Variants in JMJD1C observed in about 807,000 individuals in gnomAD.
JMJD1C encodes jumonji domain containing 1C, also known as jumonji domain-containing protein 1C.
In JMJD1C, 31 loss-of-function variants were observed where a neutral mutation model predicts 245.3. That is an observed-to-expected ratio of 0.13 (90% confidence interval 0.09 to 0.17). JMJD1C has a LOEUF of 0.17. JMJD1C is among the 10% of genes least tolerant of loss of function. The pLI is 1.00. For missense variants in JMJD1C, 2,691 were observed against 3,000.2 expected (o/e 0.90, Z 2.41); for synonymous variants, 1,057 against 1,017.4 (o/e 1.04, Z -0.74).
At chr10:63,499,744 A>G (rs960593075) in intron 1 of JMJD1C, among the ~76,000 whole-genome samples, 5 of 152,238 alleles carry the variant, frequency 3.3e-5, no homozygotes, top group Non-Finnish European at 7.3e-5. Flanking sequence ...TTCATTAAGG[A>G]TTTATAAATT....
intron 1 of JMJD1C, among the ~76,000 whole-genome samples, chr10:63,503,421 G>GA (rs528804398): frequency 6.6e-6 from 1 of 152,148 alleles, no homozygotes; most frequent in Non-Finnish European, 1.5e-5. Context: ...ATTAATAGTG[G>GA]AAAAAACAAT....
In JMJD1C at chr10:63,167,849, C is replaced by A; in HGVS notation, c.*196G>T. ...ATATAGTGCTGCTTTTAAAATTCTG[C>A]TTGTTTTATAACATTGAATCACAGG... On this transcript the variant is annotated 3_prime_UTR_variant, in exon 26 of 26. Transcript: ENST00000399262. The A allele has an allele frequency of 2.0e-6, 1 of 491,836 alleles. No individual in the cohort carries two copies. Among genetic ancestry groups the A allele is most frequent in the Non-Finnish European group, 3.6e-6 (1 of 274,968 alleles). 30.5% of individuals were successfully genotyped at this position (491,836 alleles called of 1,614,324 possible).
intron 1 of JMJD1C, among the ~76,000 whole-genome samples, chr10:63,509,593 A>T (rs1453506371): frequency 6.6e-6 from 1 of 152,220 alleles, no homozygotes; most frequent in Non-Finnish European, 1.5e-5. Flanking sequence ...TGCTAGATAC[A>T]GGCCTATTCA....
At chr10:63,483,467 G>A (rs1372903413) in intron 1 of JMJD1C, among the ~76,000 whole-genome samples, 4 of 152,194 alleles carry the variant, frequency 2.6e-5, no homozygotes, top group African/African-American at 9.6e-5. Context: ...CTGCGCATTA[G>A]ATTTCAGCAG....
chr10:63,499,293 T>C (rs561272858), intron 1 of JMJD1C, among the ~76,000 whole-genome samples: 2 of 152,334 alleles, frequency 1.3e-5, no homozygotes, highest in South Asian at 4.1e-4. Context: ...GGAACCTTCA[T>C]ACTATTTTCC....
Position 63,213,396 on chromosome 10 carries a change from T to C in JMJD1C, c.2694+77A>G, listed in dbSNP as rs868762082. ...TTATAATAGGAAATGACCTAAAAAATAGATGGAATATTGAAAAAGCACCTG... is the reference window on the plus strand; with the variant it reads ...TTATAATAGGAAATGACCTAAAAAACAGATGGAATATTGAAAAAGCACCTG... On this transcript the variant is annotated intron_variant, in intron 8 of 25. Transcript: ENST00000399262. The C allele has an allele frequency of 3.4e-6, 3 of 873,504 alleles. No individual in the cohort carries two copies. In the Middle Eastern group the frequency reaches 7.0e-4, roughly 203 times the overall value. The allele number at this position is 873,504 out of a possible 1,614,324, so 54.1% of individuals were successfully genotyped here.
chr10:63,472,394 G>A (rs945789358), intron 1 of JMJD1C, among the ~76,000 whole-genome samples: 4 of 152,006 alleles, frequency 2.6e-5, no homozygotes, highest in African/African-American at 7.2e-5. Flanking sequence ...GTGCAACGGC[G>A]TAATCTCAGC....
chr10:63,274,198 A>T (rs1040271404), intron 2 of JMJD1C, among the ~76,000 whole-genome samples: 1 of 152,244 alleles, frequency 6.6e-6, no homozygotes, highest in Non-Finnish European at 1.5e-5. Flanking sequence ...TTTTTCAATA[A>T]GCCATACTGT....
At chr10:63,222,510 G>C in intron 3 of JMJD1C, 1 of 1,219,750 alleles carries the variant, frequency 8.2e-7, no homozygotes, top group Non-Finnish European at 1.2e-6. Context: ...GATTTTGACT[G>C]ACTGCACTTT....
chr10:63,248,438 T>C (rs1443094152), intron 3 of JMJD1C, among the ~76,000 whole-genome samples: 1 of 144,526 alleles, frequency 6.9e-6, no homozygotes, highest in African/African-American at 2.5e-5. Context: ...GGAGAATCAC[T>C]TGAATCCGGG....
intron 1 of JMJD1C, among the ~76,000 whole-genome samples, chr10:63,433,245 C>T (rs1486006916): frequency 1.3e-5 from 2 of 151,740 alleles, no homozygotes; most frequent in African/African-American, 2.4e-5. Context: ...TACAGGAAAG[C>T]GCTACCATGC....
At chr10:63,213,087 G>A (rs866304728) in intron 8 of JMJD1C, among the ~76,000 whole-genome samples, 11 of 150,266 alleles carry the variant, frequency 7.3e-5, no homozygotes, top group African/African-American at 2.4e-4. Flanking sequence ...TCAGGAGGCT[G>A]AGGCAGAAGA....
At chr10:63,335,989 C>T (rs1421770565) in intron 2 of JMJD1C, among the ~76,000 whole-genome samples, 3 of 151,724 alleles carry the variant, frequency 2.0e-5, no homozygotes, top group East Asian at 2.0e-4. Context: ...GGCGAGGTAG[C>T]TTGTGCCTGT....
At chr10:63,443,658 A>G (rs1014978778) in intron 1 of JMJD1C, among the ~76,000 whole-genome samples, 2 of 152,184 alleles carry the variant, frequency 1.3e-5, no homozygotes, top group Non-Finnish European at 2.9e-5. Context: ...CAAACCTTTT[A>G]TAGAGGTTTG....
chr10:63,381,595 C>T (rs1349217774), intron 1 of JMJD1C, among the ~76,000 whole-genome samples: 1 of 151,992 alleles, frequency 6.6e-6, no homozygotes, highest in African/African-American at 2.4e-5. Flanking sequence ...TTATCAGAGA[C>T]TAGGATGGGT....
At chr10:63,454,488 A>G (rs1040125196) in intron 1 of JMJD1C, among the ~76,000 whole-genome samples, 1 of 151,812 alleles carries the variant, frequency 6.6e-6, no homozygotes, top group Non-Finnish European at 1.5e-5. Context: ...TAGTGGTACG[A>G]TCTCAGCTCA....
At chr10:63,380,519 T>A in intron 1 of JMJD1C, 37 bp from the exon 2 acceptor site, 1 of 1,539,330 alleles carries the variant, frequency 6.5e-7, no homozygotes, top group Non-Finnish European at 8.9e-7. Flanking sequence ...ATTAGCAAAA[T>A]AGAAGAGTGG....
intron 1 of JMJD1C, among the ~76,000 whole-genome samples, chr10:63,512,534 C>T (rs2133288102): frequency 6.6e-6 from 1 of 152,244 alleles, no homozygotes; most frequent in Non-Finnish European, 1.5e-5. Flanking sequence ...TTCTTGCTTG[C>T]ATGATTTCTG....
chr10:63,387,628 AAT>A (rs1491510878), intron 1 of JMJD1C, among the ~76,000 whole-genome samples: 2 of 18,526 alleles, frequency 1.1e-4, no homozygotes, highest in African/African-American at 2.1e-4. Context: ...AGAAAAAAAA[AAT>A]TTTTTTTTTT....
Sources: allele counts gnomAD v4.1 joint callset (sites outside exome capture counted in the v4.1 genomes callset), GRCh38; gene constraint gnomAD v4.1.1; transcripts MANE v1.5; gene names NCBI Gene and HGNC (gene_info 2026-07-23, HGNC 2026-07-21).